MSRA: variants seen among roughly 807,000 people sequenced by gnomAD.
MSRA encodes the protein methionine sulfoxide reductase A.
MSRA carries 54 observed loss-of-function variants against 31.3 expected under a neutral mutation model. The observed-to-expected ratio is 1.73, with a 90% CI of 1.39 to 2.17. MSRA has a LOEUF of 2.17. Ranked by LOEUF, MSRA falls within the 30% of genes most tolerant of loss-of-function variation. MSRA has a pLI of 0.00. For synonymous variants in MSRA, 169 were observed against 116.5 expected (o/e 1.45, Z -2.90); for missense variants, 507 against 300.9 (o/e 1.69, Z -5.07).
chr8:10,054,717 C>T (rs1474910796), intron 1 of MSRA, 59 bp downstream of exon 1: 6 of 1,397,480 alleles, frequency 4.3e-6, no homozygotes, highest in Non-Finnish European at 5.7e-6. Flanking sequence ...CGCCTTTGCC[C>T]GGCGGCAGCG....
chr8:10,162,689 T>C (rs1318952292), intron 1 of MSRA, among the ~76,000 whole-genome samples: 1 of 152,164 alleles, frequency 6.6e-6, no homozygotes, highest in East Asian at 1.9e-4. Flanking sequence ...AGGTAGGCAC[T>C]GAAGGGGAAA....
chr8:10,416,551 C>T (rs1013506501), intron 5 of MSRA, among the ~76,000 whole-genome samples: 4 of 152,192 alleles, frequency 2.6e-5, no homozygotes, highest in Non-Finnish European at 5.9e-5. Context: ...GACGCTTCCG[C>T]TAGTGCTTTA....
rs185604960 is a variant in MSRA at position 10,110,828 on chromosome 8, A to T, written c.142+56170A>T. On this transcript the variant is annotated intron_variant, in intron 1 of 5. Coordinates refer to ENST00000317173, the MANE Select transcript of MSRA (RefSeq NM_012331.5). ...TTTGGGGTCATACAGCACAAAATCTAATTTCGACACGTGGCAGCCTTTCAC... is the reference window on the plus strand; with the variant it reads ...TTTGGGGTCATACAGCACAAAATCTTATTTCGACACGTGGCAGCCTTTCAC... Among the ~76,000 whole-genome samples, 186 of 152,266 alleles carry T rather than the reference A, an allele frequency of 1.2e-3. 1 individual carries two copies. The highest frequency in any genetic ancestry group is 4.1e-3 in the African/African-American group (170 of 41,552).
At chr8:10,062,627 C>A (rs1278344812) in intron 1 of MSRA, among the ~76,000 whole-genome samples, 1 of 152,144 alleles carries the variant, frequency 6.6e-6, no homozygotes, top group African/African-American at 2.4e-5. Context: ...GGCACATAAT[C>A]GGTAAGTCCA....
At chr8:10,139,108 T>G (rs916330757) in intron 1 of MSRA, among the ~76,000 whole-genome samples, 13 of 152,244 alleles carry the variant, frequency 8.5e-5, no homozygotes, top group African/African-American at 3.1e-4. Flanking sequence ...TTCTTGTATT[T>G]GAGTGGAAAA....
At chr8:10,275,380 CT>C (rs1297259690) in intron 3 of MSRA, among the ~76,000 whole-genome samples, 2 of 152,186 alleles carry the variant, frequency 1.3e-5, no homozygotes, top group Non-Finnish European at 2.9e-5. Flanking sequence ...TAGTCCAAGC[CT>C]TGTGTAAGGG....
intron 1 of MSRA, among the ~76,000 whole-genome samples, chr8:10,160,726 C>A (rs549498804): frequency 6.6e-6 from 1 of 152,054 alleles, no homozygotes; most frequent in Non-Finnish European, 1.5e-5. Context: ...GACAGGATTT[C>A]ACCATCTTGG....
intron 3 of MSRA, among the ~76,000 whole-genome samples, chr8:10,291,957 C>T (rs1171507041): frequency 2.0e-5 from 3 of 152,206 alleles, no homozygotes; most frequent in African/African-American, 7.2e-5. Context: ...TTACATTAGT[C>T]ACCGTGGAAT....
intron 3 of MSRA, among the ~76,000 whole-genome samples, chr8:10,250,213 T>C (rs1797844956): frequency 6.6e-6 from 1 of 152,220 alleles, no homozygotes; most frequent in South Asian, 2.1e-4. Flanking sequence ...GTAATTGAGC[T>C]ATTCAGATTC....
At chr8:10,408,062 A>T (rs941503846) in intron 5 of MSRA, among the ~76,000 whole-genome samples, 1 of 152,174 alleles carries the variant, frequency 6.6e-6, no homozygotes, top group East Asian at 1.9e-4. Context: ...TTTCAAGAGT[A>T]ATCACGAGAC....
intron 3 of MSRA, among the ~76,000 whole-genome samples, chr8:10,264,299 C>G (rs531496956): frequency 2.6e-5 from 4 of 152,326 alleles, no homozygotes; most frequent in African/African-American, 9.6e-5. Flanking sequence ...AGCATTTAAC[C>G]TCCTATACTA....
chr8:10,350,115 T>G (rs529350451), intron 5 of MSRA, among the ~76,000 whole-genome samples: 4 of 152,360 alleles, frequency 2.6e-5, no homozygotes, highest in African/African-American at 9.6e-5. Flanking sequence ...CCTGTTCTTG[T>G]GTGAAATCAT....
At chr8:10,088,511 G>C (rs1411179199) in intron 1 of MSRA, among the ~76,000 whole-genome samples, 2 of 152,130 alleles carry the variant, frequency 1.3e-5, no homozygotes, top group Non-Finnish European at 2.9e-5. Flanking sequence ...GAAGCGGGTG[G>C]ATCACTTGGG....
chr8:10,256,455 A>T (rs913359438), intron 3 of MSRA, among the ~76,000 whole-genome samples: 1 of 152,220 alleles, frequency 6.6e-6, no homozygotes, highest in East Asian at 1.9e-4. Flanking sequence ...TTAAACGTTC[A>T]GTAGAGATTA....
At chr8:10,192,816 G>C (rs1394632687) in intron 1 of MSRA, among the ~76,000 whole-genome samples, 4 of 152,188 alleles carry the variant, frequency 2.6e-5, no homozygotes, top group African/African-American at 9.7e-5. Context: ...CTCATTATGG[G>C]CTGAGGAGGC....
At chr8:10,422,320 T>G (rs1395526377) in intron 5 of MSRA, among the ~76,000 whole-genome samples, 1 of 152,146 alleles carries the variant, frequency 6.6e-6, no homozygotes, top group African/African-American at 2.4e-5. Context: ...ATGGTGCACT[T>G]TCTGTGCCCT....
chr8:10,240,451 G>T (rs1207394793), intron 2 of MSRA, among the ~76,000 whole-genome samples: 2 of 152,184 alleles, frequency 1.3e-5, no homozygotes. Flanking sequence ...CCCTGGCTGG[G>T]CCCCTTTCCA....
At chr8:10,193,254 A>C (rs1348653214) in intron 1 of MSRA, among the ~76,000 whole-genome samples, 1 of 152,178 alleles carries the variant, frequency 6.6e-6, no homozygotes, top group Non-Finnish European at 1.5e-5. Flanking sequence ...CATGAGAAAC[A>C]TTTTGGGCCT....
chr8:10,227,894 T>C (rs1234007494), intron 2 of MSRA, among the ~76,000 whole-genome samples: 2 of 152,216 alleles, frequency 1.3e-5, no homozygotes, highest in African/African-American at 4.8e-5. Context: ...TTATTTAACA[T>C]GATGTAGATT....
Sources: allele counts gnomAD v4.1 joint callset (sites outside exome capture counted in the v4.1 genomes callset), GRCh38; gene constraint gnomAD v4.1.1; transcripts MANE v1.5; gene names NCBI Gene and HGNC (gene_info 2026-07-23, HGNC 2026-07-21).